Variants in RTL4 observed in about 807,000 individuals in gnomAD.
RTL4 encodes retrotransposon Gag-like protein 4.
A neutral mutation model predicts 5.3 loss-of-function variants in RTL4; 4 were observed. That is an observed-to-expected ratio of 0.75 (90% CI 0.37 to 1.72). The LOEUF (loss-of-function observed/expected upper bound fraction) is 1.72. RTL4 is among the 40% of genes most tolerant of loss of function. RTL4 has a pLI of 0.04. For synonymous variants in RTL4, 98 were observed against 87.3 expected (o/e 1.12, Z -0.68); for missense variants, 260 against 227.1 (o/e 1.14, Z -0.93).
At chrX:112,175,776 C>T in the RTL4 span, among the ~76,000 whole-genome samples, 10 of 111,124 alleles carry the variant, frequency 9.0e-5, no homozygotes, top group East Asian at 1.1e-3. Context: ...CAATATCATA[C>T]TGAATGGGCA....
chrX:112,246,890 G>A, the RTL4 span, among the ~76,000 whole-genome samples: 1 of 111,845 alleles, frequency 8.9e-6, no homozygotes, highest in Admixed American at 9.5e-5. Context: ...TTTAAAGAGT[G>A]GAGAAGGTAA....
chrX:112,201,560 A>C, the RTL4 span, among the ~76,000 whole-genome samples: 5 of 110,412 alleles, frequency 4.5e-5, no homozygotes, highest in African/African-American at 1.7e-4. Context: ...TACAAGTAAT[A>C]AACAATGAAG....
the RTL4 span, among the ~76,000 whole-genome samples, chrX:112,226,971 T>TAAAATAAAATAAATAA: frequency 1.6e-4 from 12 of 74,916 alleles, no homozygotes; most frequent in African/African-American, 5.7e-4. Context: ...TAAAATAAAA[T>TAAAATAAAATAAATAA]AATAAAATAA....
the RTL4 span, among the ~76,000 whole-genome samples, chrX:112,315,557 C>A: frequency 8.9e-6 from 1 of 111,825 alleles, no homozygotes; most frequent in African/African-American, 3.2e-5. Context: ...CCTTTAGCCT[C>A]CACTCCCTTT....
chrX:112,098,538 G>A, the RTL4 span, among the ~76,000 whole-genome samples: 29 of 111,480 alleles, frequency 2.6e-4, no homozygotes, highest in South Asian at 3.8e-4. Context: ...TGACCACACC[G>A]ACTTCCACAA....
At chrX:112,270,687 C>T in the RTL4 span, among the ~76,000 whole-genome samples, 60 of 110,855 alleles carry the variant, frequency 5.4e-4, no homozygotes, top group African/African-American at 1.8e-3. Context: ...ATCACTGAAA[C>T]GGAAATGGGT....
At chrX:112,330,446 C>A in the RTL4 span, among the ~76,000 whole-genome samples, 1 of 109,985 alleles carries the variant, frequency 9.1e-6, no homozygotes, top group African/African-American at 3.4e-5. Context: ...ATCCAATTTA[C>A]AAGGGATGTG....
the RTL4 span, among the ~76,000 whole-genome samples, chrX:112,233,357 A>C: frequency 9.4e-6 from 1 of 106,445 alleles, no homozygotes; most frequent in East Asian, 2.9e-4. Context: ...AGAGCACAGA[A>C]GAAGTCTAAA....
the RTL4 span, among the ~76,000 whole-genome samples, chrX:112,269,789 T>A: frequency 8.9e-6 from 1 of 111,919 alleles, no homozygotes; most frequent in East Asian, 2.8e-4. Context: ...GACAATTCAT[T>A]TTTCAAATCA....
At chrX:112,346,025 CTCTCTG>C in the RTL4 span, among the ~76,000 whole-genome samples, 6 of 111,819 alleles carry the variant, frequency 5.4e-5, no homozygotes, top group Non-Finnish European at 1.1e-4. Flanking sequence ...ATGTGTGTCT[CTCTCTG>C]TCTCTGACAT....
chrX:112,388,436 G>A, the RTL4 span, among the ~76,000 whole-genome samples: 2 of 111,900 alleles, frequency 1.8e-5, no homozygotes, highest in Non-Finnish European at 1.9e-5. Context: ...TAGCTAAGAC[G>A]TTCAATTCTA....
the RTL4 span, among the ~76,000 whole-genome samples, chrX:112,426,369 T>C: frequency 8.9e-6 from 1 of 111,794 alleles, no homozygotes; most frequent in Admixed American, 9.5e-5. Context: ...TTTGTTCTTC[T>C]CCATATACAT....
chrX:112,196,867 T>A, the RTL4 span, among the ~76,000 whole-genome samples: 2 of 111,046 alleles, frequency 1.8e-5, no homozygotes, highest in African/African-American at 6.5e-5. Context: ...TAAAATTTCT[T>A]CATATACTTT....
At chrX:112,422,691 T>C in the RTL4 span, among the ~76,000 whole-genome samples, 1 of 111,267 alleles carries the variant, frequency 9.0e-6, no homozygotes, top group African/African-American at 3.3e-5. Flanking sequence ...TCAAAAGCCT[T>C]AAGAATATAA....
chrX:112,212,294 G>C, the RTL4 span, among the ~76,000 whole-genome samples: 1 of 111,406 alleles, frequency 9.0e-6, no homozygotes, highest in African/African-American at 3.3e-5. Context: ...GGAGAATGGC[G>C]TGAACCCAGG....
chrX:112,234,149 G>C, the RTL4 span, among the ~76,000 whole-genome samples: 3 of 110,705 alleles, frequency 2.7e-5, no homozygotes, highest in Non-Finnish European at 3.8e-5. Context: ...CTGAGATTGC[G>C]CCACTGCACT....
chrX:112,192,628 A>T, the RTL4 span, among the ~76,000 whole-genome samples: 1 of 111,718 alleles, frequency 9.0e-6, no homozygotes, highest in Non-Finnish European at 1.9e-5. Flanking sequence ...TAATTTTAGT[A>T]ATATACAAAA....
At chrX:112,124,200 G>C in the RTL4 span, among the ~76,000 whole-genome samples, 1 of 111,873 alleles carries the variant, frequency 8.9e-6, no homozygotes, top group Non-Finnish European at 1.9e-5. Context: ...GGAGAAATAG[G>C]AACACTTTTA....
At chrX:112,231,940 G>A in the RTL4 span, among the ~76,000 whole-genome samples, 2 of 111,694 alleles carry the variant, frequency 1.8e-5, no homozygotes, top group African/African-American at 6.5e-5. Context: ...GTGCTTAATT[G>A]CTATGTTCCA....
Sources: allele counts gnomAD v4.1 joint callset (sites outside exome capture counted in the v4.1 genomes callset), GRCh38; gene constraint gnomAD v4.1.1; transcripts MANE v1.5; gene names NCBI Gene and HGNC (gene_info 2026-07-23, HGNC 2026-07-21).